Variants in CLTCL1 observed in about 807,000 individuals in gnomAD.
CLTCL1 encodes clathrin heavy chain like 1.
A neutral mutation model predicts 190.0 loss-of-function variants in CLTCL1; 159 were observed. The ratio of observed to expected loss-of-function variants is 0.84; its 90% CI spans 0.74 to 0.95. CLTCL1 has a LOEUF of 0.95. Ranked by LOEUF, CLTCL1 falls within the 40% of genes least tolerant of loss-of-function variation. The pLI is 0.00. For missense variants in CLTCL1, 1,878 were observed against 2,033.4 expected (o/e 0.92, Z 1.47); for synonymous variants, 752 against 769.6 (o/e 0.98, Z 0.38).
chr22:19,259,353 G>A (rs1418957960), intron 2 of CLTCL1, among the ~76,000 whole-genome samples: 1 of 152,154 alleles, frequency 6.6e-6, no homozygotes, highest in Non-Finnish European at 1.5e-5. Flanking sequence ...TGATCTGCCC[G>A]CCTCGGCCTC....
intron 2 of CLTCL1, among the ~76,000 whole-genome samples, chr22:19,263,541 C>G (rs1359765902): frequency 6.6e-6 from 1 of 152,074 alleles, no homozygotes; most frequent in African/African-American, 2.4e-5. Context: ...AGCCTCTTGA[C>G]AGGCTGGGAC....
chr22:19,227,096 C>T (rs1375079633), intron 11 of CLTCL1, among the ~76,000 whole-genome samples: 4 of 151,794 alleles, frequency 2.6e-5, no homozygotes, highest in African/African-American at 9.7e-5. Flanking sequence ...TCAAGTCTAC[C>T]GATTCTCCTT....
chr22:19,193,449 G>A (rs1555933667), intron 26 of CLTCL1, among the ~76,000 whole-genome samples: 2 of 152,158 alleles, frequency 1.3e-5, no homozygotes, highest in Non-Finnish European at 2.9e-5. Context: ...CAAGCTGAAA[G>A]ACAGGATGGG....
intron 11 of CLTCL1, among the ~76,000 whole-genome samples, chr22:19,227,374 C>G (rs1204006534): frequency 6.6e-6 from 1 of 151,198 alleles, no homozygotes; most frequent in Non-Finnish European, 1.5e-5. Context: ...CTTTGACCTC[C>G]CAGGCTCAAG....
chr22:19,216,799 T>C (rs1018729885), intron 18 of CLTCL1, among the ~76,000 whole-genome samples: 1 of 152,162 alleles, frequency 6.6e-6, no homozygotes, highest in Non-Finnish European at 1.5e-5. Flanking sequence ...CACTTACAAA[T>C]AGGGTGGAAA....
chr22:19,248,150 G>A (rs138967629), intron 3 of CLTCL1, among the ~76,000 whole-genome samples: 2,956 of 151,978 alleles, frequency 0.019, 53 homozygotes, highest in South Asian at 0.035. Flanking sequence ...TACAAAATTA[G>A]CCAGGTGTGG....
At chr22:19,245,185 CCTT>C (rs1441013575) in intron 3 of CLTCL1, among the ~76,000 whole-genome samples, 5 of 146,644 alleles carry the variant, frequency 3.4e-5, no homozygotes, top group African/African-American at 7.5e-5. Flanking sequence ...CTCTCCCCCT[CCTT>C]TTTTTTTTTT....
intron 3 of CLTCL1, among the ~76,000 whole-genome samples, chr22:19,253,275 G>A (rs951000143): frequency 6.6e-6 from 1 of 152,166 alleles, no homozygotes; most frequent in African/African-American, 2.4e-5. Flanking sequence ...GGAAGGCCGC[G>A]TTGTGTGTGG....
At chr22:19,222,366 C>A (rs1376960215) in intron 15 of CLTCL1, among the ~76,000 whole-genome samples, 1 of 152,202 alleles carries the variant, frequency 6.6e-6, no homozygotes, top group African/African-American at 2.4e-5. Flanking sequence ...CAGGAGTGCA[C>A]ATGCACAGAG....
chr22:19,219,118 C>G (rs1177072029), intron 18 of CLTCL1, among the ~76,000 whole-genome samples: 1 of 152,070 alleles, frequency 6.6e-6, no homozygotes, highest in Non-Finnish European at 1.5e-5. Flanking sequence ...TTTAGGCAAG[C>G]TATTTCTGCA....
At chr22:19,197,361 C>A (rs1485740646) in intron 24 of CLTCL1, among the ~76,000 whole-genome samples, 2 of 152,172 alleles carry the variant, frequency 1.3e-5, no homozygotes, top group Non-Finnish European at 2.9e-5. Context: ...GCAGCATCTG[C>A]ACCCCCCAAT....
At chr22:19,280,943 G>T (rs1275243389) in intron 1 of CLTCL1, among the ~76,000 whole-genome samples, 1 of 151,748 alleles carries the variant, frequency 6.6e-6, no homozygotes, top group Non-Finnish European at 1.5e-5. Flanking sequence ...GGGGGGAGGA[G>T]TGTGAATGGG....
chr22:19,245,376 T>A (rs1357997193), intron 3 of CLTCL1, among the ~76,000 whole-genome samples: 7 of 151,884 alleles, frequency 4.6e-5, no homozygotes, highest in Non-Finnish European at 8.8e-5. Flanking sequence ...GTCTTTTTAA[T>A]AGAGAGGGGG....
At chr22:19,253,470 C>T (rs1004411213) in intron 3 of CLTCL1, among the ~76,000 whole-genome samples, 5 of 152,132 alleles carry the variant, frequency 3.3e-5, no homozygotes, top group Non-Finnish European at 7.4e-5. Context: ...CTCGTCTTCC[C>T]GAAGGACTAC....
At chr22:19,206,868 T>C (rs530789468) in intron 22 of CLTCL1, among the ~76,000 whole-genome samples, 1 of 152,238 alleles carries the variant, frequency 6.6e-6, no homozygotes, top group South Asian at 2.1e-4. Context: ...GGTAACATCT[T>C]ATCTACATGG....
intron 2 of CLTCL1, chr22:19,257,982 C>A (rs1276755536): frequency 6.5e-6 from 4 of 613,254 alleles, no homozygotes; most frequent in Non-Finnish European, 1.2e-5. Flanking sequence ...GTTCTGCACA[C>A]TGACAATGCC....
chr22:19,230,093 CCTTGGT>C, intron 10 of CLTCL1, 118 bp from the exon 11 acceptor site: 2 of 741,870 alleles, frequency 2.7e-6, no homozygotes, highest in Non-Finnish European at 3.7e-6. Flanking sequence ...TAGTTCCCTC[CCTTGGT>C]TTTTTTTTTT....
At chr22:19,212,969 T>A (rs1429369734) in intron 19 of CLTCL1, among the ~76,000 whole-genome samples, 1 of 152,186 alleles carries the variant, frequency 6.6e-6, no homozygotes, top group Non-Finnish European at 1.5e-5. Flanking sequence ...AAAAGAAAAG[T>A]TTATGAATTG....
At chr22:19,288,658 C>T (rs2087995407) in intron 1 of CLTCL1, among the ~76,000 whole-genome samples, 1 of 152,254 alleles carries the variant, frequency 6.6e-6, no homozygotes, top group Non-Finnish European at 1.5e-5. Context: ...TTAACCAGGA[C>T]CTGCTACTGC....
Sources: gnomAD v4.1 joint callset for allele counts (sites outside exome capture counted in the v4.1 genomes callset) on GRCh38, gnomAD v4.1.1 for gene constraint, MANE v1.5 for transcripts, NCBI Gene and HGNC (gene_info 2026-07-23, HGNC 2026-07-21) for gene names.